The following MCPH1 variants were observed in gnomAD, a reference collection of about 807,000 sequenced individuals.
MCPH1 encodes the protein microcephalin.
In MCPH1, 104 loss-of-function variants were observed where a neutral mutation model predicts 84.5. The observed-to-expected ratio is 1.23, with a 90% CI of 1.05 to 1.45. The LOEUF is 1.45. Ranked by LOEUF, MCPH1 falls within the 40% of genes most tolerant of loss-of-function variation. MCPH1 has a pLI of 0.00. For missense variants in MCPH1, 1,498 were observed against 1,005.7 expected (o/e 1.49, Z -6.62); for synonymous variants, 514 against 366.8 (o/e 1.40, Z -4.58).
rs116942708 is a variant in MCPH1, at chr8:6,629,540, T to C, written c.2452+7849T>C. 2.0e-3 allele frequency among the ~76,000 whole-genome samples: 305 copies of C among 152,296 alleles called. 3 individuals carry two copies. Among genetic ancestry groups the C allele is most frequent in the Non-Finnish European group, 3.7e-3 (254 of 68,012 alleles). On this transcript the variant is annotated intron_variant, in intron 13 of 13. Coordinates refer to ENST00000344683, the MANE Select transcript of MCPH1 (RefSeq NM_024596.5). ...CACAGAGAAGAGTCCAAGTGAGGAC[T>C]CAGGGAGAAGGTGGCCATCTGCAAC...
chr8:6,591,981 G>A (rs572505922), intron 12 of MCPH1, among the ~76,000 whole-genome samples: 9 of 152,276 alleles, frequency 5.9e-5, no homozygotes, highest in African/African-American at 2.2e-4. Context: ...GAAAAAATTC[G>A]ACAACGCAAA....
At chr8:6,426,579 G>A (rs1801093623) in intron 3 of MCPH1, among the ~76,000 whole-genome samples, 1 of 152,248 alleles carries the variant, frequency 6.6e-6, no homozygotes, top group African/African-American at 2.4e-5. Context: ...GGTGCCACCA[G>A]TTGATGGAGA....
chr8:6,552,044 A>G (rs1402077206), intron 12 of MCPH1, among the ~76,000 whole-genome samples: 7 of 152,382 alleles, frequency 4.6e-5, no homozygotes, highest in African/African-American at 7.2e-5. Flanking sequence ...TCCAGAAATT[A>G]TGGCAGAGAA....
At chr8:6,416,678 A>G (rs1799345124) in intron 3 of MCPH1, among the ~76,000 whole-genome samples, 1 of 152,122 alleles carries the variant, frequency 6.6e-6, no homozygotes, top group Admixed American at 6.5e-5. Context: ...CATGTTGTAT[A>G]CGTTGTCATC....
intron 2 of MCPH1, among the ~76,000 whole-genome samples, chr8:6,414,266 C>G (rs1353801241): frequency 6.6e-6 from 1 of 152,242 alleles, no homozygotes; most frequent in African/African-American, 2.4e-5. Flanking sequence ...CCTCGGCCTC[C>G]CAAAGTGCTG....
At chr8:6,591,716 C>G (rs1828470822) in intron 12 of MCPH1, among the ~76,000 whole-genome samples, 1 of 152,196 alleles carries the variant, frequency 6.6e-6, no homozygotes, top group Non-Finnish European at 1.5e-5. Flanking sequence ...AAGGTAGCCC[C>G]AAGACACTCA....
chr8:6,490,446 GTTA>G (rs1810436215), intron 11 of MCPH1, among the ~76,000 whole-genome samples: 1 of 152,148 alleles, frequency 6.6e-6, no homozygotes, highest in African/African-American at 2.4e-5. Context: ...CTATCCCCAA[GTTA>G]AAATGATTTC....
At chr8:6,495,956 A>T (rs1225111490) in intron 11 of MCPH1, among the ~76,000 whole-genome samples, 1 of 152,178 alleles carries the variant, frequency 6.6e-6, no homozygotes, top group East Asian at 1.9e-4. Context: ...CCTTTTTGGC[A>T]CCAAGGACCA....
At chr8:6,622,235 G>A (rs569390425) in intron 13 of MCPH1, 15 of 171,634 alleles carry the variant, frequency 8.7e-5, no homozygotes, top group South Asian at 2.9e-4. Flanking sequence ...CCACTCTGGC[G>A]TTCATGGAGC....
intron 12 of MCPH1, among the ~76,000 whole-genome samples, chr8:6,598,659 C>A (rs902756895): frequency 1.3e-5 from 2 of 152,230 alleles, no homozygotes. Context: ...AGCAAAACCT[C>A]TCGTGTGAGC....
chr8:6,408,260 A>C (rs1798021347), intron 1 of MCPH1, among the ~76,000 whole-genome samples: 2 of 152,206 alleles, frequency 1.3e-5, no homozygotes, highest in African/African-American at 4.8e-5. Flanking sequence ...ACAGAGTCTT[A>C]CTCTCTTGCC....
intron 12 of MCPH1, among the ~76,000 whole-genome samples, chr8:6,522,783 AAAG>A (rs1817618292): frequency 6.7e-6 from 1 of 150,064 alleles, no homozygotes; most frequent in African/African-American, 2.5e-5. Context: ...CAAAAAAAAA[AAAG>A]AAAAGAAAAG....
chr8:6,641,794 G>C (rs1797953642), intron 13 of MCPH1, among the ~76,000 whole-genome samples: 1 of 152,142 alleles, frequency 6.6e-6, no homozygotes, highest in Non-Finnish European at 1.5e-5. Context: ...CACTGTTGTG[G>C]AGAGAATTAA....
chr8:6,558,706 T>C (rs1825039504), intron 12 of MCPH1, among the ~76,000 whole-genome samples: 1 of 152,204 alleles, frequency 6.6e-6, no homozygotes, highest in East Asian at 1.9e-4. Context: ...TTCTAAACTC[T>C]GCAAGCAAAC....
At chr8:6,524,538 T>TGATA (rs536199535) in intron 12 of MCPH1, among the ~76,000 whole-genome samples, 30 of 152,222 alleles carry the variant, frequency 2.0e-4, no homozygotes, top group South Asian at 1.0e-3. Flanking sequence ...TTTCACTGAG[T>TGATA]GATAGTTGGG....
At chr8:6,539,428 G>A (rs1242852957) in intron 12 of MCPH1, among the ~76,000 whole-genome samples, 1 of 152,134 alleles carries the variant, frequency 6.6e-6, no homozygotes, top group Non-Finnish European at 1.5e-5. Flanking sequence ...CCTGGCCTCT[G>A]GTGCCAATTT....
At chr8:6,413,393 T>C (rs753048257) in intron 2 of MCPH1, among the ~76,000 whole-genome samples, 73 of 151,596 alleles carry the variant, frequency 4.8e-4, no homozygotes, top group Non-Finnish European at 2.6e-4. Context: ...GTTTTCGTTC[T>C]TGTGCTGGGC....
At chr8:6,541,074 A>T (rs988771470) in intron 12 of MCPH1, among the ~76,000 whole-genome samples, 2 of 152,210 alleles carry the variant, frequency 1.3e-5, no homozygotes, top group Non-Finnish European at 1.5e-5. Context: ...CTTGGAGCCA[A>T]CGTCCCTAGG....
Position 6,629,698 on chromosome 8 carries a change from T to C in MCPH1, c.2452+8007T>C, listed in dbSNP as rs551102871. ...CCACCCACCCTGTGGCATTTTGTTA[T>C]GGTAGCCTGAGCAAACTAGTTCAGC... is the stretch of plus-strand genomic sequence containing the variant. On this transcript the variant is annotated intron_variant, in intron 13 of 13. Coordinates refer to ENST00000344683, the MANE Select transcript of MCPH1 (RefSeq NM_024596.5). Among the ~76,000 whole-genome samples, 9 of 152,318 alleles carry C rather than the reference T, an allele frequency of 5.9e-5. No homozygotes were observed. In the South Asian group the frequency reaches 1.9e-3, roughly 32 times the overall value.
Sources: gnomAD v4.1 joint callset for allele counts (sites outside exome capture counted in the v4.1 genomes callset) on GRCh38, gnomAD v4.1.1 for gene constraint, MANE v1.5 for transcripts, NCBI Gene and HGNC (gene_info 2026-07-23, HGNC 2026-07-21) for gene names.